Variants in NECAP1 observed in about 807,000 individuals in gnomAD.
The protein encoded by NECAP1 is NECAP endocytosis associated 1, also known as adaptin ear-binding coat-associated protein 1.
A neutral mutation model predicts 33.4 loss-of-function variants in NECAP1; 13 were observed. That is an observed-to-expected ratio of 0.39 (90% confidence interval 0.25 to 0.62). The LOEUF is 0.62. Ranked by LOEUF, NECAP1 falls within the 20% of genes least tolerant of loss-of-function variation. The pLI, the probability that NECAP1 is intolerant of heterozygous loss-of-function variation, is 0.52. For synonymous variants in NECAP1, 109 were observed against 125.2 expected (o/e 0.87, Z 0.86); for missense variants, 272 against 347.4 (o/e 0.78, Z 1.73).
intron 7 of NECAP1, 71 bp downstream of exon 7, chr12:8,095,774 T>C (rs1947588518): frequency 3.5e-6 from 5 of 1,442,014 alleles, no homozygotes; most frequent in African/African-American, 2.8e-5. Flanking sequence ...ATTGAAATCT[T>C]TGATCTGGAG....
rs747491981 is a variant in NECAP1, at chr12:8,092,794, GT to G, written c.492+15del. On this transcript the variant is annotated intron_variant, in intron 5 of 7. Coordinates refer to ENST00000339754, the MANE Select transcript of NECAP1 (RefSeq NM_015509.4). ...CAAGTTGTGTATCGGGGTGAGTATG[GT>G]TTTTAAAAATTTTGTTTTCCTGTGC... 5.6e-6 allele frequency: 9 copies of G among 1,603,558 alleles called. No individual in the cohort carries two copies. In the African/African-American group the frequency reaches 1.2e-4, roughly 22 times the overall value.
chr12:8,089,144 T>C (rs1947518573), intron 1 of NECAP1: 1 of 152,198 alleles, frequency 6.6e-6, no homozygotes, highest in Non-Finnish European at 1.5e-5. Context: ...GGAATCTTTG[T>C]TTTGGTTGCT....
intron 1 of NECAP1, 26 bp downstream of exon 1, chr12:8,082,409 C>A: frequency 6.3e-7 from 1 of 1,591,974 alleles, no homozygotes. Flanking sequence ...CGCTGCCGCA[C>A]ACGCGTACTC....
At chr12:8,085,093 C>T (rs1208920664) in intron 1 of NECAP1, among the ~76,000 whole-genome samples, 2 of 151,822 alleles carry the variant, frequency 1.3e-5, no homozygotes, top group East Asian at 1.9e-4. Flanking sequence ...AATCTCAGCT[C>T]GCCACAACCT....
At chr12:8,087,897 T>A (rs1018444986) in intron 1 of NECAP1, among the ~76,000 whole-genome samples, 2 of 152,148 alleles carry the variant, frequency 1.3e-5, no homozygotes, top group African/African-American at 4.8e-5. Flanking sequence ...CTGTGCTAAT[T>A]TTCACTTTCA....
At position 8,089,309 on chromosome 12, in the gene NECAP1, T is replaced by G. The variant is rs1285534349; in HGVS notation, c.96-627T>G. On this transcript the variant is annotated intron_variant, in intron 1 of 7. Coordinates refer to ENST00000339754, the MANE Select transcript of NECAP1 (RefSeq NM_015509.4). Reference sequence around the variant, plus strand: ...GTAGTAGACTTTGTTGTTATCTGATTAGTAAAGCATGGTTATCTAGTATAC... The same window carrying G: ...GTAGTAGACTTTGTTGTTATCTGATGAGTAAAGCATGGTTATCTAGTATAC... 5.9e-5 allele frequency: 9 copies of G among 152,298 alleles called. No homozygotes were observed. The East Asian group carries it at 1.7e-3, about 29-fold the overall frequency. 9.4% of individuals were successfully genotyped at this position (152,298 alleles called of 1,614,324 possible). A position where few individuals can be genotyped will look rare whatever the true frequency, so the allele number is the denominator to read the frequency against.
intron 3 of NECAP1, chr12:8,090,625 A>G (rs950018864): frequency 4.6e-6 from 1 of 219,176 alleles, no homozygotes; most frequent in Non-Finnish European, 9.4e-6. Flanking sequence ...CCTGACCAAT[A>G]TGATGAAACC....
Position 8,091,864 on chromosome 12 carries a change from G to C in NECAP1, c.383+14G>C, listed in dbSNP as rs1267276569. On this transcript the variant is annotated intron_variant, in intron 4 of 7. Transcript: ENST00000339754. ...GGATCACTTCAAGTGAGTGAAGCTT[G>C]TCCTTAGTTACGAGGCTGAATGCTT... The C allele has an allele frequency of 2.5e-6, 4 of 1,608,478 alleles. No individual in the cohort carries two copies. Among genetic ancestry groups the C allele is most frequent in the Non-Finnish European group, 2.6e-6 (3 of 1,176,346 alleles).
intron 3 of NECAP1, 28 bp downstream of exon 3, chr12:8,090,327 C>T (rs754791042): frequency 1.0e-5 from 16 of 1,590,940 alleles, no homozygotes; most frequent in East Asian, 6.7e-5. Flanking sequence ...TTGAGTGGAA[C>T]GAAGTTAGGA....
chr12:8,096,188 A>G lies in NECAP1; in HGVS notation c.*98A>G. Reference sequence around the variant, plus strand: ...AGTTAGGAACCCATTTCCTCCCCAGAACCAGAATGACTGGACAATCTTTTT... The same window carrying G: ...AGTTAGGAACCCATTTCCTCCCCAGGACCAGAATGACTGGACAATCTTTTT... On this transcript the variant is annotated 3_prime_UTR_variant, in exon 8 of 8. Transcript: ENST00000339754. 8.1e-7 allele frequency: 1 copy of G among 1,231,274 alleles called. No homozygotes were observed. Among genetic ancestry groups the G allele is most frequent in the Non-Finnish European group, 1.2e-6 (1 of 863,532 alleles). 76.3% of individuals were successfully genotyped at this position (1,231,274 alleles called of 1,614,324 possible). A position where few individuals can be genotyped will look rare whatever the true frequency, so the allele number is the denominator to read the frequency against.
chr12:8,090,394 G>C (rs1947532746), intron 3 of NECAP1, 95 bp downstream of exon 3: 4 of 1,112,668 alleles, frequency 3.6e-6, no homozygotes, highest in Admixed American at 2.2e-5. Flanking sequence ...TCTTTCTTTG[G>C]TTTACTTCAT....
At chr12:8,091,445 G>T (rs1377731680) in intron 3 of NECAP1, 6 of 323,072 alleles carry the variant, frequency 1.9e-5, no homozygotes, top group Non-Finnish European at 3.5e-5. Flanking sequence ...ACTAGACGGG[G>T]GTGATGGGAG....
intron 4 of NECAP1, chr12:8,092,094 G>A (rs1303536871): frequency 2.3e-5 from 11 of 481,686 alleles, no homozygotes; most frequent in East Asian, 4.0e-5. Flanking sequence ...ATGCTCTGTC[G>A]AATTTGCCCC....
chr12:8,092,513 T>G (rs943009515), intron 4 of NECAP1, 163 bp from the exon 5 acceptor site: 2 of 578,124 alleles, frequency 3.5e-6, no homozygotes, highest in East Asian at 5.9e-5. Flanking sequence ...TGAACCCCAG[T>G]TGTTTTCTTT....
chr12:8,092,195 T>A (rs980919307), intron 4 of NECAP1: 22 of 328,726 alleles, frequency 6.7e-5, no homozygotes, highest in South Asian at 2.1e-4. Flanking sequence ...GTAGCTGACA[T>A]GTTTTGTGAC....
In NECAP1 at chr12:8,083,729, G is replaced by GTT. The variant is rs71042329; in HGVS notation, c.95+1366_95+1367dup. 8.3e-4 allele frequency among the ~76,000 whole-genome samples: 76 copies of GTT among 91,168 alleles called. 1 individual carries two copies. In the South Asian group the frequency reaches 8.4e-3, roughly 10 times the overall value. 59.8% of individuals were successfully genotyped at this position (91,168 alleles called of 152,430 possible). On this transcript the variant is annotated intron_variant, in intron 1 of 7. Coordinates refer to ENST00000339754, the MANE Select transcript of NECAP1 (RefSeq NM_015509.4). Reference sequence around the variant, plus strand: ...AGGCGTGACACCACGCCCAGCCGTCGTTTTTTTTTTTTTTTTTTTTTGTTA... The same window carrying GTT: ...AGGCGTGACACCACGCCCAGCCGTCGTTTTTTTTTTTTTTTTTTTTTTTGTTA...
Position 8,092,773 on chromosome 12 carries a change from T to C in NECAP1, c.481T>C (p.Leu161=). Residue 161 remains leucine (L), a synonymous_variant, in exon 5 of 8, where the codon TTG becomes CTG. Transcript: ENST00000339754. ...CTTCAAGGAAGGACAAACCATCAAG[T>C]TGTGTATCGGGGTGAGTATGGTTTT... ...LGFKEGQTIK[L]CIGNITNKKG... 4 of 1,613,522 alleles carry C rather than the reference T, an allele frequency of 2.5e-6. No homozygotes were observed. The highest frequency in any genetic ancestry group is 3.4e-6 in the Non-Finnish European group (4 of 1,179,482).
At chr12:8,095,380 C>T in intron 6 of NECAP1, 1 of 351,786 alleles carries the variant, frequency 2.8e-6, no homozygotes, top group South Asian at 2.3e-5. Flanking sequence ...TCCCGAGTAG[C>T]TGGGACTACA....
rs372167429 is a variant in NECAP1 at position 8,082,399 on chromosome 12, C to T, written c.95+16C>T. 1.2e-5 allele frequency: 19 copies of T among 1,609,622 alleles called. No individual in the cohort carries two copies. Among genetic ancestry groups the T allele is most frequent in the Non-Finnish European group, 1.6e-5 (19 of 1,176,670 alleles). ...GCGGTTACAGGTACTAACCCCGAGG[C>T]GCTGCCGCACACGCGTACTCTGTCG... On this transcript the variant is annotated intron_variant, in intron 1 of 7. Coordinates refer to ENST00000339754, the MANE Select transcript of NECAP1 (RefSeq NM_015509.4).
Sources: gnomAD v4.1 joint callset for allele counts (sites outside exome capture counted in the v4.1 genomes callset) on GRCh38, gnomAD v4.1.1 for gene constraint, MANE v1.5 for transcripts, NCBI Gene and HGNC (gene_info 2026-07-23, HGNC 2026-07-21) for gene names.